The following DNTT variants were observed in gnomAD, a reference collection of about 807,000 sequenced individuals.
DNTT encodes DNA nucleotidylexotransferase.
Under a neutral mutation model 60.9 loss-of-function variants are expected in DNTT, and 47 were observed. That is an observed-to-expected ratio of 0.77 (90% CI 0.61 to 0.98). DNTT has a LOEUF of 0.98. Ranked by LOEUF, DNTT falls within the 50% of genes least tolerant of loss-of-function variation. DNTT has a pLI of 0.00. For synonymous variants in DNTT, 224 were observed against 221.2 expected (o/e 1.01, Z -0.11); for missense variants, 665 against 627.5 (o/e 1.06, Z -0.64).
chr10:96,319,328 A>G lies in DNTT; in HGVS notation c.445A>G (p.Lys149Glu), dbSNP rs1220529371. 1 of 1,613,912 alleles carries G rather than the reference A, an allele frequency of 6.2e-7. No individual in the cohort carries two copies. The highest frequency in any genetic ancestry group is 8.5e-7 in the Non-Finnish European group (1 of 1,179,818). Residue 149 changes from lysine to glutamate, a missense_variant, in exon 3 of 11, where the codon AAG becomes GAG. Physicochemically the swap from Lys to Glu is moderately conservative, Grantham distance 56. Coordinates refer to ENST00000371174, the MANE Select transcript of DNTT (RefSeq NM_004088.4). ...GAAGACTCCACCAATTGCTGTACAA[A>G]AGATCTCCCAGTATGCGTGTCAGAG... ...PPKTPPIAVQ[K>E]ISQYACQRRT...
At chr10:96,315,143 T>C (rs1043384112) in intron 1 of DNTT, among the ~76,000 whole-genome samples, 1 of 151,978 alleles carries the variant, frequency 6.6e-6, no homozygotes, top group African/African-American at 2.4e-5. Context: ...AAATACAGTC[T>C]GGGCCACAAC....
At chr10:96,317,600 G>A (rs931382511) in intron 1 of DNTT, among the ~76,000 whole-genome samples, 13 of 152,262 alleles carry the variant, frequency 8.5e-5, no homozygotes, top group Admixed American at 2.6e-4. Context: ...GCCTTTGGGA[G>A]GTGAGTAGGT....
intron 9 of DNTT, among the ~76,000 whole-genome samples, chr10:96,333,921 C>T (rs967510752): frequency 1.3e-5 from 2 of 151,994 alleles, no homozygotes; most frequent in African/African-American, 4.8e-5. Flanking sequence ...AGTATGGTGA[C>T]TATAGTTAAT....
At chr10:96,334,197 C>T (rs1483141976) in intron 9 of DNTT, among the ~76,000 whole-genome samples, 1 of 152,232 alleles carries the variant, frequency 6.6e-6, no homozygotes, top group Admixed American at 6.5e-5. Context: ...TCCTGCACTG[C>T]TTCTTACTGT....
intron 1 of DNTT, among the ~76,000 whole-genome samples, chr10:96,307,733 A>ATG (rs1491263751): frequency 1.6e-5 from 1 of 60,782 alleles, no homozygotes; most frequent in East Asian, 3.8e-4. Flanking sequence ...ATATATATAT[A>ATG]AGCATATATA....
intron 1 of DNTT, among the ~76,000 whole-genome samples, chr10:96,305,001 T>C (rs1280012292): frequency 6.6e-6 from 1 of 152,248 alleles, no homozygotes; most frequent in Non-Finnish European, 1.5e-5. Context: ...GAAAATTTAA[T>C]GCTGAACCAC....
At chr10:96,309,848 T>G (rs1844689053) in intron 1 of DNTT, among the ~76,000 whole-genome samples, 1 of 152,234 alleles carries the variant, frequency 6.6e-6, no homozygotes, top group African/African-American at 2.4e-5. Context: ...AACAGGGAGC[T>G]GGCCCGTGAA....
At chr10:96,320,466 G>C (rs891969685) in intron 3 of DNTT, 152 bp from the exon 4 acceptor site, 3 of 759,866 alleles carry the variant, frequency 3.9e-6, no homozygotes, top group Non-Finnish European at 6.3e-6. Flanking sequence ...CACCAGAGAG[G>C]CATACAAGGG....
intron 1 of DNTT, among the ~76,000 whole-genome samples, chr10:96,314,785 T>C (rs1239097691): frequency 1.3e-5 from 2 of 152,170 alleles, no homozygotes; most frequent in Non-Finnish European, 2.9e-5. Flanking sequence ...AAGTGATGTA[T>C]AAAGTGTGCC....
chr10:96,313,954 A>G (rs1844752719), intron 1 of DNTT, among the ~76,000 whole-genome samples: 1 of 152,218 alleles, frequency 6.6e-6, no homozygotes, highest in African/African-American at 2.4e-5. Flanking sequence ...GGGAAAACCC[A>G]GAGCCCAGAG....
rs182921350 is a variant in DNTT at position 96,338,379 on chromosome 10, G to A, written c.*155G>A. On this transcript the variant is annotated 3_prime_UTR_variant, in exon 11 of 11. Coordinates refer to ENST00000371174, the MANE Select transcript of DNTT (RefSeq NM_004088.4). Reference sequence around the variant, plus strand: ...TAAATAACTTTGGAAACATGGGAAGGTGCCACTGGTAATGGGTAAGGTTCT... The same window carrying A: ...TAAATAACTTTGGAAACATGGGAAGATGCCACTGGTAATGGGTAAGGTTCT... The A allele has an allele frequency of 1.8e-3, 1,113 of 623,344 alleles. 8 individuals are homozygous for A. Among genetic ancestry groups the A allele is most frequent in the African/African-American group, 0.017 (909 of 54,208 alleles). 38.6% of individuals were successfully genotyped at this position (623,344 alleles called of 1,614,324 possible).
At chr10:96,307,708 T>A (rs1395168229) in intron 1 of DNTT, among the ~76,000 whole-genome samples, 4 of 32,200 alleles carry the variant, frequency 1.2e-4, no homozygotes, top group African/African-American at 2.1e-4. Flanking sequence ...TGTGTGTGTA[T>A]ATATATATAT....
chr10:96,318,700 G>A (rs562711365), intron 2 of DNTT, among the ~76,000 whole-genome samples, 174 bp downstream of exon 2: 1 of 152,262 alleles, frequency 6.6e-6, no homozygotes, highest in Non-Finnish European at 1.5e-5. Flanking sequence ...ATGACATAAC[G>A]ATAATGCCAG....
At chr10:96,336,258 T>C (rs10736103) in intron 10 of DNTT, among the ~76,000 whole-genome samples, 126,015 of 152,136 alleles carry the variant, frequency 0.83, 56,260 homozygotes, top group East Asian at 1. Context: ...GGTATATCCT[T>C]GGTGTTGGCA....
chr10:96,322,832 A>G, intron 5 of DNTT, 104 bp downstream of exon 5: 1 of 875,320 alleles, frequency 1.1e-6, no homozygotes, highest in Non-Finnish European at 1.7e-6. Flanking sequence ...AACAAAATAC[A>G]GAGATGGCGT....
At chr10:96,310,203 C>T (rs1844698362) in intron 1 of DNTT, among the ~76,000 whole-genome samples, 1 of 152,192 alleles carries the variant, frequency 6.6e-6, no homozygotes, top group African/African-American at 2.4e-5. Context: ...GCCTTTTGTT[C>T]CCATAAACAC....
chr10:96,334,371 G>A (rs917237098), intron 9 of DNTT, among the ~76,000 whole-genome samples: 4 of 152,216 alleles, frequency 2.6e-5, no homozygotes, highest in African/African-American at 9.6e-5. Context: ...TACTGGATAA[G>A]TAGTAGCTTC....
intron 6 of DNTT, 52 bp downstream of exon 6, chr10:96,324,441 G>T: frequency 2.5e-6 from 4 of 1,605,664 alleles, no homozygotes; most frequent in Non-Finnish European, 3.4e-6. Context: ...TCGGGTCGTG[G>T]TGGAGCTCTA....
chr10:96,337,041 T>A (rs1845081957), intron 10 of DNTT, among the ~76,000 whole-genome samples: 1 of 151,092 alleles, frequency 6.6e-6, no homozygotes, highest in South Asian at 2.1e-4. Context: ...ATGTTAGAAA[T>A]CAAATCTAAA....
Sources: allele counts gnomAD v4.1 joint callset (sites outside exome capture counted in the v4.1 genomes callset), GRCh38; gene constraint gnomAD v4.1.1; transcripts MANE v1.5; gene names NCBI Gene and HGNC (gene_info 2026-07-23, HGNC 2026-07-21).